Variants in NSMCE2 observed in about 807,000 individuals in gnomAD.
NSMCE2 encodes NSE2 SUMO ligase component of SMC5/6 complex.
A neutral mutation model predicts 23.8 loss-of-function variants in NSMCE2; 24 were observed. That is an observed-to-expected ratio of 1.01 (90% CI 0.73 to 1.42). The LOEUF is 1.42. NSMCE2 is among the 40% of genes most tolerant of loss of function. The pLI is 0.00. For missense variants in NSMCE2, 284 were observed against 296.5 expected, an observed-to-expected ratio of 0.96 and a Z score of 0.31; for synonymous variants, 92 against 94.1, an observed-to-expected ratio of 0.98 and a Z score of 0.13.
chr8:125,106,070 A>ACT (rs1226425286), intron 3 of NSMCE2, among the ~76,000 whole-genome samples: 12 of 151,656 alleles, frequency 7.9e-5, no homozygotes, highest in African/African-American at 2.9e-4. Context: ...ACACACACAC[A>ACT]CATTTTAACT....
At chr8:125,118,052 A>G (rs1386786227) in intron 3 of NSMCE2, among the ~76,000 whole-genome samples, 1 of 152,164 alleles carries the variant, frequency 6.6e-6, no homozygotes, top group African/African-American at 2.4e-5. Context: ...GCATCACTTT[A>G]GAGAGCTTGC....
intron 5 of NSMCE2, among the ~76,000 whole-genome samples, chr8:125,215,934 G>C (rs543190812): frequency 1.1e-4 from 16 of 152,302 alleles, no homozygotes; most frequent in African/African-American, 3.9e-4. Flanking sequence ...ATTGTGTGTT[G>C]GCACACACCT....
At chr8:125,294,079 A>G (rs1027052312) in intron 5 of NSMCE2, among the ~76,000 whole-genome samples, 4 of 152,114 alleles carry the variant, frequency 2.6e-5, no homozygotes, top group Non-Finnish European at 2.9e-5. Flanking sequence ...TTGTGACTGG[A>G]TTCTTTCACT....
chr8:125,359,203 C>T (rs1655811012), intron 7 of NSMCE2, among the ~76,000 whole-genome samples: 2 of 146,742 alleles, frequency 1.4e-5, no homozygotes, highest in South Asian at 4.5e-4. Flanking sequence ...GGAGGCGGAG[C>T]TTGCAGTGAG....
intron 3 of NSMCE2, among the ~76,000 whole-genome samples, chr8:125,116,849 T>C (rs547059736): frequency 2.0e-5 from 3 of 152,202 alleles, no homozygotes; most frequent in South Asian, 4.1e-4. Context: ...ACTGAAGATA[T>C]ATCTCTTGAT....
intron 5 of NSMCE2, among the ~76,000 whole-genome samples, chr8:125,266,768 A>G (rs1303659281): frequency 6.6e-6 from 1 of 152,200 alleles, no homozygotes. Flanking sequence ...GAGCAATAAT[A>G]GACTTGTGTT....
chr8:125,101,216 T>C (rs73348122), intron 1 of NSMCE2, among the ~76,000 whole-genome samples: 16,233 of 152,156 alleles, frequency 0.11, 1,186 homozygotes, highest in African/African-American at 0.2. Flanking sequence ...GTGAAATGAA[T>C]GAATGAACCT....
At chr8:125,099,690 CAA>C (rs1818093438) in intron 1 of NSMCE2, among the ~76,000 whole-genome samples, 1 of 152,068 alleles carries the variant, frequency 6.6e-6, no homozygotes, top group African/African-American at 2.4e-5. Context: ...GTGACCTTGA[CAA>C]GAGCAGTTGC....
intron 3 of NSMCE2, among the ~76,000 whole-genome samples, chr8:125,140,360 T>G (rs1046310877): frequency 6.6e-6 from 1 of 152,152 alleles, no homozygotes; most frequent in Non-Finnish European, 1.5e-5. Context: ...TCTCATTTAA[T>G]TTTTTCAATA....
chr8:125,195,904 T>C lies in NSMCE2; in HGVS notation c.418+13648T>C, dbSNP rs1008078881. ...CTTTTTTTTTTTTTTTTTTTTTTTTTGAGATGGAGTCTCATTCTGTCACCC... is the reference window on the plus strand; with the variant it reads ...CTTTTTTTTTTTTTTTTTTTTTTTTCGAGATGGAGTCTCATTCTGTCACCC... On this transcript the variant is annotated intron_variant, in intron 5 of 7. Coordinates refer to ENST00000287437, the MANE Select transcript of NSMCE2 (RefSeq NM_173685.4). 3.3e-3 allele frequency among the ~76,000 whole-genome samples: 437 copies of C among 132,964 alleles called. 9 individuals carry two copies. Among genetic ancestry groups the C allele is most frequent in the Admixed American group, 0.031 (401 of 13,104 alleles). 87.2% of individuals were successfully genotyped at this position (132,964 alleles called of 152,430 possible). A position where few individuals can be genotyped will look rare whatever the true frequency, so the allele number is the denominator to read the frequency against.
intron 5 of NSMCE2, among the ~76,000 whole-genome samples, chr8:125,309,124 G>A (rs1468844751): frequency 1.3e-4 from 19 of 151,866 alleles, no homozygotes; most frequent in Admixed American, 1.1e-3. Flanking sequence ...GCGCATCCCT[G>A]TAATACCACC....
chr8:125,140,938 A>G (rs1014990675), intron 3 of NSMCE2, among the ~76,000 whole-genome samples: 3 of 152,084 alleles, frequency 2.0e-5, no homozygotes, highest in African/African-American at 4.8e-5. Context: ...AAAGATGTGG[A>G]AAAAAGATAA....
intron 5 of NSMCE2, among the ~76,000 whole-genome samples, chr8:125,306,950 A>G (rs1386941062): frequency 6.6e-6 from 1 of 152,264 alleles, no homozygotes; most frequent in African/African-American, 2.4e-5. Flanking sequence ...AGAACTGTAC[A>G]TGGCATATAT....
At chr8:125,204,340 C>T (rs1358069227) in intron 5 of NSMCE2, among the ~76,000 whole-genome samples, 6 of 152,176 alleles carry the variant, frequency 3.9e-5, no homozygotes, top group African/African-American at 1.4e-4. Flanking sequence ...CTTCCTTGCC[C>T]AGTTTGACCA....
intron 5 of NSMCE2, among the ~76,000 whole-genome samples, chr8:125,215,410 A>G (rs2130899587): frequency 6.6e-6 from 1 of 151,918 alleles, no homozygotes; most frequent in South Asian, 2.1e-4. Context: ...CATGGTGTAT[A>G]TATGCCACAT....
intron 3 of NSMCE2, among the ~76,000 whole-genome samples, chr8:125,121,209 G>GA (rs1262922792): frequency 6.6e-6 from 1 of 152,202 alleles, no homozygotes; most frequent in Non-Finnish European, 1.5e-5. Flanking sequence ...AGTAGATGAA[G>GA]AAGGGAAAGA....
intron 3 of NSMCE2, among the ~76,000 whole-genome samples, chr8:125,132,964 A>G (rs560697572): frequency 6.6e-6 from 1 of 152,334 alleles, no homozygotes; most frequent in African/African-American, 2.4e-5. Context: ...CTTAAAAGTA[A>G]GGAAACTGAG....
intron 5 of NSMCE2, among the ~76,000 whole-genome samples, chr8:125,328,151 C>CTT (rs34667555): frequency 3.0e-4 from 43 of 141,658 alleles, no homozygotes; most frequent in African/African-American, 6.8e-4. Context: ...TCTCACTGGC[C>CTT]TTTTTTTTTT....
intron 5 of NSMCE2, among the ~76,000 whole-genome samples, chr8:125,211,154 A>G (rs567559983): frequency 9.2e-5 from 14 of 152,268 alleles, no homozygotes; most frequent in East Asian, 3.9e-4. Flanking sequence ...ACATTATTAT[A>G]TATGTATATT....
Sources: gnomAD v4.1 joint callset for allele counts (sites outside exome capture counted in the v4.1 genomes callset) on GRCh38, gnomAD v4.1.1 for gene constraint, MANE v1.5 for transcripts, NCBI Gene and HGNC (gene_info 2026-07-23, HGNC 2026-07-21) for gene names.